Variants in CDH12 observed in about 807,000 individuals in gnomAD.
CDH12 encodes cadherin 12, also known as cadherin-12.
A neutral mutation model predicts 74.1 loss-of-function variants in CDH12; 41 were observed. That is an observed-to-expected ratio of 0.55 (90% CI 0.43 to 0.72). The LOEUF (loss-of-function observed/expected upper bound fraction) is 0.72. CDH12 is among the 30% of genes least tolerant of loss of function. The probability of loss-of-function intolerance (pLI) is 0.00; values close to 1 mark genes in which losing one functional copy is unlikely to be tolerated. For missense variants in CDH12, 945 were observed against 977.2 expected (o/e 0.97, Z 0.44); for synonymous variants, 399 against 355.0 (o/e 1.12, Z -1.39).
intron 6 of CDH12, among the ~76,000 whole-genome samples, chr5:21,900,981 G>T (rs568120643): frequency 6.6e-6 from 1 of 152,180 alleles, no homozygotes; most frequent in South Asian, 2.1e-4. Context: ...CTGCCATGCC[G>T]CATTTCTGGC....
At chr5:21,942,633 T>C (rs1466033734) in intron 6 of CDH12, among the ~76,000 whole-genome samples, 1 of 152,028 alleles carries the variant, frequency 6.6e-6, no homozygotes. Context: ...TCTGTGTATG[T>C]GTGTGTGTTT....
At position 22,491,812 on chromosome 5, in the gene CDH12, A is replaced by G. The variant is rs549675363; in HGVS notation, c.-428+13458T>C. 6.6e-5 allele frequency among the ~76,000 whole-genome samples: 10 copies of G among 152,066 alleles called. No individual in the cohort carries two copies. The South Asian group carries it at 2.1e-3, about 32-fold the overall frequency. Reference sequence around the variant, plus strand: ...GAGTTTAGAATTCCAAAATCAAGGTATTTGCAGGGCTTGTTTCTTCTGACA... The same window carrying G: ...GAGTTTAGAATTCCAAAATCAAGGTGTTTGCAGGGCTTGTTTCTTCTGACA... On this transcript the variant is annotated intron_variant, in intron 2 of 14. Transcript: ENST00000382254.
chr5:22,799,016 C>A (rs937793451), intron 1 of CDH12, among the ~76,000 whole-genome samples: 2 of 152,018 alleles, frequency 1.3e-5, no homozygotes, highest in African/African-American at 4.8e-5. Flanking sequence ...ACTTGGGAGG[C>A]TGAAGTGGGA....
chr5:22,213,997 T>C (rs1197979081), intron 3 of CDH12, among the ~76,000 whole-genome samples: 1 of 151,780 alleles, frequency 6.6e-6, no homozygotes, highest in Non-Finnish European at 1.5e-5. Context: ...ATATTTACAT[T>C]GTGATATTTA....
At chr5:22,098,306 C>T (rs1743919652) in intron 4 of CDH12, among the ~76,000 whole-genome samples, 1 of 151,872 alleles carries the variant, frequency 6.6e-6, no homozygotes, top group South Asian at 2.1e-4. Context: ...GCTCTCCATG[C>T]TGATCGTGTC....
intron 9 of CDH12, among the ~76,000 whole-genome samples, chr5:21,812,333 CT>C (rs1182627933): frequency 6.6e-6 from 1 of 151,954 alleles, no homozygotes; most frequent in Non-Finnish European, 1.5e-5. Context: ...CTGTATGAAT[CT>C]GATTTTATAT....
chr5:21,969,088 A>T (rs369296517), intron 6 of CDH12, among the ~76,000 whole-genome samples: 1 of 151,992 alleles, frequency 6.6e-6, no homozygotes, highest in Non-Finnish European at 1.5e-5. Context: ...GCACATGTTT[A>T]TCAATGTAAC....
chr5:22,815,279 T>C (rs1749331655), intron 1 of CDH12, among the ~76,000 whole-genome samples: 1 of 152,208 alleles, frequency 6.6e-6, no homozygotes, highest in Non-Finnish European at 1.5e-5. Context: ...AGTGGATTAT[T>C]CTTTCTTTTG....
In CDH12 at chr5:22,565,897, C is replaced by T. The variant is rs1739260233; in HGVS notation, c.-522-60533G>A. Among the ~76,000 whole-genome samples the T allele has an allele frequency of 3.3e-5, 5 of 151,804 alleles. No homozygotes were observed. The South Asian group carries it at 1.0e-3, about 32-fold the overall frequency. ...CAAAAAACAACAAAATTCTATGAAG[C>T]CATAAGAAGTAATAGAGCTTAAACA... On this transcript the variant is annotated intron_variant, in intron 1 of 14. Transcript: ENST00000382254.
Position 22,741,699 on chromosome 5 carries a change from A to G in CDH12, c.-523+111359T>C, listed in dbSNP as rs74420395. On this transcript the variant is annotated intron_variant, in intron 1 of 14. Transcript: ENST00000382254. ...TCCTTAGGAGCAATGACAATTTTCT[A>G]AAAGCTCTCTCAGCATTCTTCCTTC... is the stretch of plus-strand genomic sequence containing the variant. Among the ~76,000 whole-genome samples the G allele has an allele frequency of 8.5e-3, 1,291 of 152,308 alleles. 25 individuals carry two copies. The highest frequency in any genetic ancestry group is 0.029 in the African/African-American group (1,218 of 41,572).
At chr5:22,529,255 C>T (rs1376518599) in intron 1 of CDH12, among the ~76,000 whole-genome samples, 1 of 144,190 alleles carries the variant, frequency 6.9e-6, no homozygotes. Flanking sequence ...TTATAAGAAG[C>T]TGGTTCAAAT....
chr5:22,767,536 T>C (rs548180574), intron 1 of CDH12, among the ~76,000 whole-genome samples: 2 of 152,048 alleles, frequency 1.3e-5, no homozygotes, highest in African/African-American at 2.4e-5. Flanking sequence ...GCTTTTTTTT[T>C]CTGAAAAGAA....
intron 4 of CDH12, among the ~76,000 whole-genome samples, chr5:22,206,932 G>T (rs1037693736): frequency 6.6e-6 from 1 of 150,786 alleles, no homozygotes; most frequent in African/African-American, 2.4e-5. Context: ...ATTCTACCAC[G>T]GTCCGGCGTA....
chr5:22,292,707 T>C (rs1212096593), intron 3 of CDH12, among the ~76,000 whole-genome samples: 2 of 151,964 alleles, frequency 1.3e-5, no homozygotes, highest in Non-Finnish European at 2.9e-5. Context: ...GGAGACATCA[T>C]ACCTGTTACT....
intron 6 of CDH12, among the ~76,000 whole-genome samples, chr5:21,868,021 T>C (rs1751422167): frequency 6.6e-6 from 1 of 152,216 alleles, no homozygotes; most frequent in Non-Finnish European, 1.5e-5. Flanking sequence ...AAAGATCTGA[T>C]GGTTTTATAA....
At chr5:22,075,343 G>A (rs978990263) in intron 5 of CDH12, among the ~76,000 whole-genome samples, 2 of 150,806 alleles carry the variant, frequency 1.3e-5, no homozygotes, top group African/African-American at 2.4e-5. Flanking sequence ...GATAGCATTA[G>A]GAGATATACC....
chr5:22,057,310 G>A (rs777794474), intron 5 of CDH12, among the ~76,000 whole-genome samples: 3 of 152,126 alleles, frequency 2.0e-5, no homozygotes, highest in Non-Finnish European at 4.4e-5. Context: ...TATTTGAAAG[G>A]CTCCTGAAAA....
intron 6 of CDH12, among the ~76,000 whole-genome samples, chr5:21,970,442 GAGACTTATATATGTTTCT>G (rs1756790871): frequency 6.6e-6 from 1 of 152,040 alleles, no homozygotes. Flanking sequence ...AGGAAGTGTG[GAGACTTATATATGTTTCT>G]AAGTTATAAT....
Position 22,527,485 on chromosome 5 carries a change from C to T in CDH12, c.-522-22121G>A, listed in dbSNP as rs557043075. On this transcript the variant is annotated intron_variant, in intron 1 of 14. Transcript: ENST00000382254. ...CTGATGACCTAACCAGTGCCATAGG[C>T]CTGTGCAAGTCAGACTACTCTGATT... Among the ~76,000 whole-genome samples, 18 of 152,232 alleles carry T rather than the reference C, an allele frequency of 1.2e-4. 1 individual carries two copies. In the South Asian group the frequency reaches 3.5e-3, roughly 30 times the overall value.
Sources: gnomAD v4.1 joint callset for allele counts (sites outside exome capture counted in the v4.1 genomes callset) on GRCh38, gnomAD v4.1.1 for gene constraint, MANE v1.5 for transcripts, NCBI Gene and HGNC (gene_info 2026-07-23, HGNC 2026-07-21) for gene names.